Variants in TF observed in about 807,000 individuals in gnomAD.
The protein encoded by TF is serotransferrin.
In TF, 55 loss-of-function variants were observed where a neutral mutation model predicts 82.4. The ratio of observed to expected loss-of-function variants is 0.67; its 90% CI spans 0.54 to 0.84. The LOEUF (loss-of-function observed/expected upper bound fraction) is 0.84, where lower values mean the gene tolerates loss of function less well. Ranked by LOEUF, TF falls within the 40% of genes least tolerant of loss-of-function variation. The pLI, the probability that TF is intolerant of heterozygous loss-of-function variation, is 0.00. For missense variants in TF, 737 were observed against 868.4 expected (o/e 0.85, Z 1.90); for synonymous variants, 332 against 332.6 (o/e 1.00, Z 0.02).
the TF span, among the ~76,000 whole-genome samples, chr3:133,685,246 C>T: frequency 3.9e-5 from 6 of 152,180 alleles, no homozygotes; most frequent in Non-Finnish European, 7.3e-5. Flanking sequence ...CAGCCAATAT[C>T]ATACTGAATG....
intron 2 of TF, among the ~76,000 whole-genome samples, chr3:133,750,823 G>A (rs1334424095): frequency 2.6e-5 from 4 of 152,116 alleles, no homozygotes; most frequent in Non-Finnish European, 5.9e-5. Context: ...GGGTACAAGT[G>A]CACAACATGC....
intron 9 of TF, chr3:133,762,488 T>G (rs1320227111): frequency 6.6e-6 from 1 of 152,210 alleles, no homozygotes; most frequent in Non-Finnish European, 1.5e-5. Flanking sequence ...TATTATAGTA[T>G]GTTATAATTG....
In TF at chr3:133,764,228, T is replaced by C; in HGVS notation, c.1250T>C (p.Ile417Thr). ...AGCTTGGATGGAGGGTTTGTCTACA[T>C]AGCGGGCAAGTGTGGTCTGGTGCCT... ...AMSLDGGFVY[I>T]AGKCGLVPVL... is the part of the protein sequence containing the mutation. The change falls in exon 10 of 17, where the codon ATA becomes ACA. Residue 417 changes from isoleucine to threonine, a missense_variant. Ile to Thr is a moderately conservative substitution (Grantham distance 89, BLOSUM62 -1). Coordinates refer to ENST00000402696, the MANE Select transcript of TF (RefSeq NM_001063.4). 6.2e-7 allele frequency: 1 copy of C among 1,613,990 alleles called. No homozygotes were observed. The highest frequency in any genetic ancestry group is 1.3e-5 in the African/African-American group (1 of 75,036).
At chr3:133,673,383 T>A in the TF span, among the ~76,000 whole-genome samples, 1 of 152,222 alleles carries the variant, frequency 6.6e-6, no homozygotes, top group African/African-American at 2.4e-5. Context: ...CAATTGTTTT[T>A]TTCAGATACC....
At chr3:133,767,133 G>A (rs887277618) in intron 12 of TF, among the ~76,000 whole-genome samples, 1 of 152,096 alleles carries the variant, frequency 6.6e-6, no homozygotes. Context: ...GTCTCTTCAT[G>A]GTGTTGGCAA....
the TF span, among the ~76,000 whole-genome samples, chr3:133,723,394 C>G: frequency 6.7e-6 from 1 of 150,264 alleles, no homozygotes; most frequent in Admixed American, 6.6e-5. Context: ...CTCTTCTCAT[C>G]TGATATGTCT....
At chr3:133,701,496 C>CA in the TF span, among the ~76,000 whole-genome samples, 1 of 152,168 alleles carries the variant, frequency 6.6e-6, no homozygotes, top group East Asian at 1.9e-4. Context: ...TTTGCATCTA[C>CA]AGAAGGGCAG....
chr3:133,696,280 A>G, the TF span, among the ~76,000 whole-genome samples: 1 of 152,114 alleles, frequency 6.6e-6, no homozygotes. Context: ...TGGGCGACAG[A>G]GCAAGACCCT....
the TF span, among the ~76,000 whole-genome samples, chr3:133,666,461 G>T: frequency 2.0e-5 from 3 of 152,050 alleles, no homozygotes; most frequent in African/African-American, 4.8e-5. Context: ...ATGAGCCACC[G>T]CACCCGGCCT....
chr3:133,714,529 T>C, the TF span, among the ~76,000 whole-genome samples: 19 of 152,364 alleles, frequency 1.2e-4, no homozygotes, highest in African/African-American at 2.6e-4. Context: ...AATTTTTCTT[T>C]ACATCAGAAG....
chr3:133,777,029 A>G lies in TF; in HGVS notation c.1873-20A>G, dbSNP rs540808700. 5 of 1,613,316 alleles carry G rather than the reference A, an allele frequency of 3.1e-6. No individual in the cohort carries two copies. The East Asian group carries it at 8.9e-5, about 29-fold the overall frequency. Reference sequence around the variant, plus strand: ...GCTAAAGACCACAAGGTCCTCACGGACTTTCTGTTCACTTGACAGCACCTA... The same window carrying G: ...GCTAAAGACCACAAGGTCCTCACGGGCTTTCTGTTCACTTGACAGCACCTA... On this transcript the variant is annotated intron_variant, in intron 15 of 16. Coordinates refer to ENST00000402696, the MANE Select transcript of TF (RefSeq NM_001063.4).
chr3:133,724,262 A>G, the TF span, among the ~76,000 whole-genome samples: 1 of 152,256 alleles, frequency 6.6e-6, no homozygotes, highest in Non-Finnish European at 1.5e-5. Context: ...ACTAGTTTAC[A>G]GTTCCACCAA....
the TF span, among the ~76,000 whole-genome samples, chr3:133,710,664 C>T: frequency 6.6e-6 from 1 of 152,202 alleles, no homozygotes; most frequent in African/African-American, 2.4e-5. Context: ...TCTACCTGCA[C>T]TTGGGTGCGG....
chr3:133,717,839 G>A, the TF span, among the ~76,000 whole-genome samples: 3 of 152,110 alleles, frequency 2.0e-5, no homozygotes, highest in Non-Finnish European at 4.4e-5. Flanking sequence ...ATGTAATAAT[G>A]GTTTAAGGAT....
chr3:133,795,148 G>A lies in TF; in HGVS notation c.*16528G>A, dbSNP rs192439623. 6.6e-6 allele frequency: 1 copy of A among 152,318 alleles called. No homozygotes were observed. The highest frequency in any genetic ancestry group is 6.5e-5 in the Admixed American group (1 of 15,294). 9.4% of individuals were successfully genotyped at this position (152,318 alleles called of 1,614,324 possible). A position where few individuals can be genotyped will look rare whatever the true frequency, so the allele number is the denominator to read the frequency against. ...TATGGAGAAAACATCAGGTATTATA[G>A]AGATTCAGTTGTAGCAAATTAATGA... On this transcript the variant is annotated 3_prime_UTR_variant, in exon 17 of 17. Transcript: ENST00000402696.
the TF span, among the ~76,000 whole-genome samples, chr3:133,687,903 T>A: frequency 1.3e-5 from 2 of 152,234 alleles, no homozygotes; most frequent in African/African-American, 4.8e-5. Context: ...CGTGTGCATG[T>A]GTTTCTTTGA....
chr3:133,715,051 TC>T, the TF span, among the ~76,000 whole-genome samples: 7 of 152,150 alleles, frequency 4.6e-5, no homozygotes, highest in South Asian at 1.2e-3. Flanking sequence ...CCCGCACCTT[TC>T]CCCGTGGTCT....
the TF span, among the ~76,000 whole-genome samples, chr3:133,707,105 G>C: frequency 6.6e-6 from 1 of 152,120 alleles, no homozygotes; most frequent in East Asian, 1.9e-4. Context: ...AGCATACTTA[G>C]AGGATGGTTT....
At chr3:133,763,725 T>C (rs1934053244) in intron 9 of TF, among the ~76,000 whole-genome samples, 1 of 152,230 alleles carries the variant, frequency 6.6e-6, no homozygotes, top group African/African-American at 2.4e-5. Flanking sequence ...AAACATGTTG[T>C]ATGCACCAAA....
Sources: allele counts gnomAD v4.1 joint callset (sites outside exome capture counted in the v4.1 genomes callset), GRCh38; gene constraint gnomAD v4.1.1; transcripts MANE v1.5; gene names NCBI Gene and HGNC (gene_info 2026-07-23, HGNC 2026-07-21).